AHRR: variants seen among roughly 807,000 people sequenced by gnomAD.
AHRR encodes the protein aryl hydrocarbon receptor repressor.
Under a neutral mutation model 44.0 loss-of-function variants are expected in AHRR, and 28 were observed. The observed-to-expected ratio is 0.64, with a 90% CI of 0.47 to 0.87. AHRR has a LOEUF of 0.87. Among genes scored for constraint, AHRR ranks in the 40% least tolerant of loss-of-function variants. AHRR has a pLI of 0.00. For missense variants in AHRR, 990 were observed against 953.9 expected, an observed-to-expected ratio of 1.04 and a Z score of -0.50; for synonymous variants, 434 against 407.0, an observed-to-expected ratio of 1.07 and a Z score of -0.80.
At position 434,613 on chromosome 5, in the gene AHRR, C is replaced by T; in HGVS notation, c.1873C>T (p.Leu625Phe). The T allele has an allele frequency of 6.4e-7, 1 of 1,563,340 alleles. No individual in the cohort carries two copies. The highest frequency in any genetic ancestry group is 8.7e-7 in the Non-Finnish European group (1 of 1,154,086). The change falls in exon 11 of 11, where the codon CTT becomes TTT. Residue 625 changes from leucine to phenylalanine, a missense_variant. Transcript: ENST00000684583. ...HCACLEPTDGLPQSEPPHQLC... is the reference protein window; with the variant it reads ...HCACLEPTDGFPQSEPPHQLC... ...TGCCTGCCTGGAGCCCACAGACGGC[C>T]TTCCCCAGTCGGAGCCTCCCCACCA...
At chr5:412,321 T>C (rs934777608) in intron 4 of AHRR, among the ~76,000 whole-genome samples, 1 of 152,216 alleles carries the variant, frequency 6.6e-6, no homozygotes, top group Non-Finnish European at 1.5e-5. Context: ...TATTAAAATC[T>C]GCCCTGTTTC....
At chr5:341,883 A>C (rs1219109644) in intron 1 of AHRR, among the ~76,000 whole-genome samples, 2 of 152,090 alleles carry the variant, frequency 1.3e-5, no homozygotes, top group Non-Finnish European at 2.9e-5. Context: ...GCATCCCACA[A>C]AGTCTGATAT....
At chr5:393,239 C>T (rs868724067) in intron 4 of AHRR, among the ~76,000 whole-genome samples, 2 of 152,216 alleles carry the variant, frequency 1.3e-5, no homozygotes, top group African/African-American at 2.4e-5. Flanking sequence ...ACGCGTCCTC[C>T]GGCCCTCCCC....
chr5:323,997 CT>C (rs1247706500), intron 1 of AHRR, among the ~76,000 whole-genome samples: 1 of 141,718 alleles, frequency 7.1e-6, no homozygotes, highest in South Asian at 2.3e-4. Flanking sequence ...ACCTTCCTTT[CT>C]TTTTTTCTCT....
In AHRR at chr5:434,567, C is replaced by T. The variant is rs1232405744; in HGVS notation, c.1827C>T (p.Thr609=). 1.3e-6 allele frequency: 2 copies of T among 1,587,278 alleles called. No individual in the cohort carries two copies. Among genetic ancestry groups the T allele is most frequent in the Admixed American group, 3.6e-5 (2 of 55,846 alleles). ...RATAGRSREL[T]PFHPAHCACL... ...CTGCTGGGCGCAGCAGGGAGCTGAC[C>T]CCTTTCCACCCTGCACACTGTGCCT... Residue 609 remains threonine (T), a synonymous_variant, in exon 11 of 11, where the codon ACC becomes ACT. Transcript: ENST00000684583.
In AHRR at chr5:376,648, G is replaced by A. The variant is rs534361598; in HGVS notation, c.283G>A (p.Ala95Thr). The A allele has an allele frequency of 5.0e-5, 72 of 1,434,830 alleles. No individual in the cohort carries two copies. Among genetic ancestry groups the A allele is most frequent in the Non-Finnish European group, 5.8e-5 (63 of 1,080,524 alleles). The allele number at this position is 1,434,830 out of a possible 1,614,324, so 88.9% of individuals were successfully genotyped here. A position where few individuals can be genotyped will look rare whatever the true frequency, so the allele number is the denominator to read the frequency against. ...EQSSRQPAAG[A>T]PSPGDSCPLA... ...GAGCTCACGGCAGCCTGCGGCCGGC[G>A]CCCCCTCGCCCGGAGACAGCTGTCC... Residue 95 changes from alanine (A) to threonine (T), a missense_variant, in exon 4 of 11, where the codon GCC (alanine) becomes ACC (threonine). By Grantham distance (58) the Ala-to-Thr change is moderately conservative. Transcript: ENST00000684583.
intron 8 of AHRR, 46 bp downstream of exon 8, chr5:428,052 C>T (rs747676922): frequency 2.9e-6 from 2 of 682,538 alleles, no homozygotes; most frequent in Admixed American, 6.5e-5. Flanking sequence ...CTGCTGGCGG[C>T]CCCCACAAAA....
intron 1 of AHRR, among the ~76,000 whole-genome samples, chr5:322,832 C>T (rs62330029): frequency 0.043 from 6,523 of 152,342 alleles, 192 homozygotes; most frequent in South Asian, 0.058. Flanking sequence ...CGGCGGACGC[C>T]GCCGCCTGGG....
In AHRR at chr5:434,475, C is replaced by T. The variant is rs753370250; in HGVS notation, c.1735C>T (p.Arg579Trp). The T allele has an allele frequency of 2.5e-5, 40 of 1,613,280 alleles. No individual in the cohort carries two copies. The South Asian group carries it at 2.9e-4, about 12-fold the overall frequency. Reference sequence around the variant, plus strand: ...GCACCTGAAAACAGAGCCAGACTCTCGGCAACAGGTGTACATCTCGCACCT... The same window carrying T: ...GCACCTGAAAACAGAGCCAGACTCTTGGCAACAGGTGTACATCTCGCACCT... ...RMHLKTEPDSRQQVYISHLGH... is the reference protein window; with the variant it reads ...RMHLKTEPDSWQQVYISHLGH... The change falls in exon 11 of 11, where the codon CGG becomes TGG. Residue 579 changes from arginine to tryptophan, a missense_variant. By Grantham distance (101) the Arg-to-Trp change is moderately radical. Transcript: ENST00000684583.
chr5:418,889 C>A, intron 5 of AHRR: 1 of 153,002 alleles, frequency 6.5e-6, no homozygotes, highest in South Asian at 1.9e-4. Context: ...GGCGCAAGCG[C>A]AGGTCTTGGT....
In AHRR at chr5:342,968, G is replaced by A. The variant is rs1201721078; in HGVS notation, c.-10-925G>A. Among the ~76,000 whole-genome samples the A allele has an allele frequency of 3.3e-5, 5 of 152,228 alleles. No individual in the cohort carries two copies. On this transcript the variant is annotated intron_variant, in intron 1 of 10. Transcript: ENST00000684583. This position sits in a 1 kb window ranked among gnomAD's most constrained non-coding sequence, Gnocchi z 4.3. Reference sequence around the variant, plus strand: ...GCGCTGTGAGCTAGTGACTTAAGTGGAATCCCAGGACTGTAGAGTGGAGTA... The same window carrying A: ...GCGCTGTGAGCTAGTGACTTAAGTGAAATCCCAGGACTGTAGAGTGGAGTA...
rs201426173 is a variant in AHRR, at chr5:340,664, TTATA to T, written c.-10-3207_-10-3204del. ...GGACGCAATTATGTTCACAGCAATATTATATATATATATATATATATATATTTTT... is the reference window on the plus strand; with the variant it reads ...GGACGCAATTATGTTCACAGCAATATTATATATATATATATATATATTTTT... On this transcript the variant is annotated intron_variant, in intron 1 of 10. Transcript: ENST00000684583. 4.3e-3 allele frequency among the ~76,000 whole-genome samples: 137 copies of T among 31,932 alleles called. 11 individuals carry two copies. Among genetic ancestry groups the T allele is most frequent in the African/African-American group, 0.012 (54 of 4,528 alleles). 20.9% of individuals were successfully genotyped at this position (31,932 alleles called of 152,430 possible).
Position 376,601 on chromosome 5 carries a change from C to T in AHRR, c.245-9C>T. 2.1e-6 allele frequency: 2 copies of T among 971,276 alleles called. No homozygotes were observed. The highest frequency in any genetic ancestry group is 2.9e-5 in the South Asian group (1 of 34,382). 60.2% of individuals were successfully genotyped at this position (971,276 alleles called of 1,614,324 possible). ...GGGGGTGCCTAATGTGTCTTTTCTT[C>T]TCTGACAGTCGTGCAGGAGCAGAGC... On this transcript the variant is annotated splice_polypyrimidine_tract_variant and intron_variant, in intron 3 of 10. Coordinates refer to ENST00000684583, the MANE Select transcript of AHRR (RefSeq NM_001377236.1).
At chr5:430,477 A>G (rs541909051) in intron 8 of AHRR, among the ~76,000 whole-genome samples, 2 of 152,300 alleles carry the variant, frequency 1.3e-5, no homozygotes, top group African/African-American at 4.8e-5. Context: ...GCAAAGGAGG[A>G]CCTTGGAGGC....
intron 5 of AHRR, among the ~76,000 whole-genome samples, chr5:415,529 G>GTGCAGAGCAGCAGGC: frequency 7.2e-6 from 1 of 138,900 alleles, no homozygotes; most frequent in Non-Finnish European, 1.5e-5. Context: ...CCTAGGGGCC[G>GTGCAGAGCAGCAGGC]AGTCTGCCTG....
intron 5 of AHRR, among the ~76,000 whole-genome samples, chr5:417,482 C>G (rs1022727010): frequency 6.6e-6 from 1 of 152,010 alleles, no homozygotes; most frequent in Non-Finnish European, 1.5e-5. Context: ...TAGAGAAGGC[C>G]GCTTGGTCTG....
intron 1 of AHRR, among the ~76,000 whole-genome samples, chr5:339,109 C>T (rs1304405574): frequency 6.6e-6 from 1 of 152,010 alleles, no homozygotes; most frequent in African/African-American, 2.4e-5. Flanking sequence ...TTTTGGAATT[C>T]TCTCTCTCTC....
At chr5:344,350 T>G (rs1742491144) in intron 2 of AHRR, among the ~76,000 whole-genome samples, 1 of 147,698 alleles carries the variant, frequency 6.8e-6, no homozygotes. Context: ...CACGGCCGGG[T>G]GTGTGCGTGT....
Position 433,293 on chromosome 5 carries a change from C to G in AHRR, c.1112+346C>G, listed in dbSNP as rs370044127. 1.9e-3 allele frequency among the ~76,000 whole-genome samples: 293 copies of G among 152,246 alleles called. 13 individuals carry two copies. Among genetic ancestry groups the G allele is most frequent in the East Asian group, 0.018 (95 of 5,176 alleles). The stretch of plus-strand genomic sequence containing the variant: ...CCTTTGCTCAGAGCCCTCTCTCCCC[C>G]CTCTCCCTCCCCAGGGCCTGCCTGC... On this transcript the variant is annotated intron_variant, in intron 10 of 10. Coordinates refer to ENST00000684583, the MANE Select transcript of AHRR (RefSeq NM_001377236.1).
Sources: gnomAD v4.1 joint callset for allele counts (sites outside exome capture counted in the v4.1 genomes callset) on GRCh38, gnomAD v4.1.1 for gene constraint, Gnocchi (gnomAD v3.1) non-coding constraint, MANE v1.5 for transcripts, NCBI Gene and HGNC (gene_info 2026-07-23, HGNC 2026-07-21) for gene names.